FGF10: variants seen among roughly 807,000 people sequenced by gnomAD.
FGF10 encodes the protein FGF-10.
A neutral mutation model predicts 19.8 loss-of-function variants in FGF10; 2 were observed. That is an observed-to-expected ratio of 0.10 (90% CI 0.04 to 0.32). FGF10 has a LOEUF of 0.32. Ranked by LOEUF, FGF10 falls within the 10% of genes least tolerant of loss-of-function variation. The pLI, the probability that FGF10 is intolerant of heterozygous loss-of-function variation, is 1.00. For missense variants in FGF10, 191 were observed against 246.3 expected (o/e 0.78, Z 1.50); for synonymous variants, 112 against 94.0 (o/e 1.19, Z -1.10).
intron 1 of FGF10, among the ~76,000 whole-genome samples, chr5:44,337,536 A>T (rs10044011): frequency 2.6e-5 from 4 of 152,226 alleles, no homozygotes; most frequent in Admixed American, 6.5e-5. Context: ...TACTGAAAAC[A>T]TTTATTTCAG....
chr5:44,302,515 C>T lies in FGF10; in HGVS notation c.*2480G>A, dbSNP rs975310884. 1.9e-4 allele frequency among the ~76,000 whole-genome samples: 29 copies of T among 152,074 alleles called. No individual in the cohort carries two copies. The highest frequency in any genetic ancestry group is 6.0e-4 in the African/African-American group (25 of 41,494). ...TTGGGACCACAGGTATATGCCACCA[C>T]GCATGGCTACATTTGTTTTGTTTTG... On this transcript the variant is annotated 3_prime_UTR_variant, in exon 3 of 3. Transcript: ENST00000264664.
chr5:44,349,741 T>C (rs531545548), intron 1 of FGF10, among the ~76,000 whole-genome samples: 73 of 150,852 alleles, frequency 4.8e-4, no homozygotes, highest in Admixed American at 1.1e-3. Context: ...TGAATACTCT[T>C]AGACCTAAAC....
At chr5:44,378,258 T>C (rs941489087) in intron 1 of FGF10, among the ~76,000 whole-genome samples, 7 of 152,202 alleles carry the variant, frequency 4.6e-5, no homozygotes, top group African/African-American at 1.4e-4. Context: ...AATTTTCTAC[T>C]TGTGGCATCA....
chr5:44,337,335 G>A (rs544099950), intron 1 of FGF10, among the ~76,000 whole-genome samples: 38 of 152,080 alleles, frequency 2.5e-4, no homozygotes, highest in Non-Finnish European at 3.5e-4. Context: ...CATATCCCAG[G>A]AATTCAAATG....
At chr5:44,310,812 C>T (rs1292572371) in intron 1 of FGF10, among the ~76,000 whole-genome samples, 1 of 152,038 alleles carries the variant, frequency 6.6e-6, no homozygotes, top group Non-Finnish European at 1.5e-5. Context: ...AATTAAAATG[C>T]TTCCTTTGCT....
chr5:44,319,363 T>C (rs1191259913), intron 1 of FGF10, among the ~76,000 whole-genome samples: 1 of 152,226 alleles, frequency 6.6e-6, no homozygotes, highest in Non-Finnish European at 1.5e-5. Flanking sequence ...TATGAATTTC[T>C]TTAATATAAC....
chr5:44,377,252 T>C (rs1741888077), intron 1 of FGF10, among the ~76,000 whole-genome samples: 1 of 152,218 alleles, frequency 6.6e-6, no homozygotes, highest in African/African-American at 2.4e-5. Context: ...AATTCTGCCC[T>C]GCTTCTTGGC....
chr5:44,335,037 A>G (rs1398272066), intron 1 of FGF10, among the ~76,000 whole-genome samples: 1 of 152,174 alleles, frequency 6.6e-6, no homozygotes, highest in African/African-American at 2.4e-5. Context: ...AATCTTTTCC[A>G]AGTACTTCCA....
chr5:44,334,210 T>C (rs757093920), intron 1 of FGF10, among the ~76,000 whole-genome samples: 31 of 152,138 alleles, frequency 2.0e-4, no homozygotes, highest in Non-Finnish European at 4.3e-4. Flanking sequence ...GAGGATATAG[T>C]GCCCTATCCT....
intron 1 of FGF10, among the ~76,000 whole-genome samples, chr5:44,328,353 C>G (rs1740659427): frequency 6.6e-6 from 1 of 152,162 alleles, no homozygotes. Context: ...GTTTTCTTTA[C>G]AAGATACTTA....
chr5:44,313,965 C>T (rs540870344), intron 1 of FGF10, among the ~76,000 whole-genome samples: 105 of 152,154 alleles, frequency 6.9e-4, no homozygotes, highest in African/African-American at 2.5e-3. Flanking sequence ...TACAATAAAA[C>T]ATGTTACATG....
chr5:44,377,717 G>A (rs573569042), intron 1 of FGF10, among the ~76,000 whole-genome samples: 4 of 152,290 alleles, frequency 2.6e-5, no homozygotes, highest in African/African-American at 7.2e-5. Flanking sequence ...AAAGGTTTCA[G>A]ATTTTGGAAT....
At chr5:44,388,333 A>T in intron 1 of FGF10, 25 bp downstream of exon 1, 1 of 1,604,136 alleles carries the variant, frequency 6.2e-7, no homozygotes, top group Non-Finnish European at 8.5e-7. Context: ...AATTGGAAGG[A>T]GGGGAGCATG....
chr5:44,381,110 A>T (rs1364931511), intron 1 of FGF10, among the ~76,000 whole-genome samples: 1 of 152,194 alleles, frequency 6.6e-6, no homozygotes, highest in African/African-American at 2.4e-5. Context: ...TTTAACTTGG[A>T]GGAAAAATGC....
chr5:44,352,022 C>T (rs936191390), intron 1 of FGF10, among the ~76,000 whole-genome samples: 1 of 151,524 alleles, frequency 6.6e-6, no homozygotes, highest in Admixed American at 6.6e-5. Context: ...TTTATAGAAT[C>T]AATCAGTTAT....
At chr5:44,365,350 CAAA>C (rs3060085) in intron 1 of FGF10, among the ~76,000 whole-genome samples, 4 of 124,730 alleles carry the variant, frequency 3.2e-5, no homozygotes, top group Non-Finnish European at 6.6e-5. Flanking sequence ...AAATAATTTG[CAAA>C]AAAAAAAAAA....
At chr5:44,385,796 A>T (rs1427208616) in intron 1 of FGF10, among the ~76,000 whole-genome samples, 4 of 152,124 alleles carry the variant, frequency 2.6e-5, no homozygotes, top group Non-Finnish European at 5.9e-5. Context: ...TAATGATACC[A>T]TGTAGTTCAG....
intron 1 of FGF10, among the ~76,000 whole-genome samples, chr5:44,313,258 A>G (rs1242009583): frequency 6.6e-6 from 1 of 152,074 alleles, no homozygotes. Context: ...TATTATAAAC[A>G]TCTGTGAATG....
chr5:44,317,285 T>A (rs897447353), intron 1 of FGF10, among the ~76,000 whole-genome samples: 5 of 152,152 alleles, frequency 3.3e-5, no homozygotes, highest in African/African-American at 1.2e-4. Context: ...TTGCAGAAAA[T>A]CCTTTCTATC....
Sources: allele counts gnomAD v4.1 joint callset (sites outside exome capture counted in the v4.1 genomes callset), GRCh38; gene constraint gnomAD v4.1.1; transcripts MANE v1.5; gene names NCBI Gene and HGNC (gene_info 2026-07-23, HGNC 2026-07-21).